IRAG2: variants seen among roughly 807,000 people sequenced by gnomAD.
The protein encoded by IRAG2 is inositol 1,4,5-triphosphate receptor associated 2.
In IRAG2, 45 loss-of-function variants were observed where a neutral mutation model predicts 69.9. The ratio of observed to expected loss-of-function variants is 0.64; its 90% CI spans 0.51 to 0.83. IRAG2 has a LOEUF of 0.83. IRAG2 is among the 40% of genes least tolerant of loss of function. The pLI is 0.00. For synonymous variants in IRAG2, 193 were observed against 202.4 expected, an observed-to-expected ratio of 0.95 and a Z score of 0.40; for missense variants, 520 against 587.0, an observed-to-expected ratio of 0.89 and a Z score of 1.18.
intron 10 of IRAG2, among the ~76,000 whole-genome samples, chr12:25,087,080 A>T (rs1947662443): frequency 1.3e-5 from 2 of 150,980 alleles, no homozygotes; most frequent in Admixed American, 1.3e-4. Context: ...CTCTTCATCA[A>T]ACTTCAGCAT....
chr12:25,058,562 A>T (rs1429323452), intron 1 of IRAG2, among the ~76,000 whole-genome samples: 1 of 152,198 alleles, frequency 6.6e-6, no homozygotes, highest in Non-Finnish European at 1.5e-5. Flanking sequence ...TTTCCAGTAT[A>T]GATAGTATTA....
At chr12:25,017,032 C>G in intron 5 of IRAG2, 1 of 803,458 alleles carries the variant, frequency 1.2e-6, no homozygotes, top group East Asian at 3.6e-5. Flanking sequence ...AAAAAAAAAA[C>G]TCACCAGAAT....
chr12:25,008,177 T>G (rs574674449), intron 2 of IRAG2, among the ~76,000 whole-genome samples: 1 of 152,356 alleles, frequency 6.6e-6, no homozygotes, highest in Middle Eastern at 3.4e-3. Context: ...TCCTTCCTAA[T>G]GTATCACCTG....
At chr12:25,048,534 C>T (rs1205899567), upstream of IRAG2, among the ~76,000 whole-genome samples, 4 of 152,002 alleles carry the variant, frequency 2.6e-5, no homozygotes, top group Non-Finnish European at 5.9e-5. Context: ...TGACCTCAAG[C>T]AATCCACCCG....
At chr12:25,106,495 T>C (rs1232350286) in intron 20 of IRAG2, among the ~76,000 whole-genome samples, 1 of 73,606 alleles carries the variant, frequency 1.4e-5, no homozygotes, top group Non-Finnish European at 2.7e-5. Flanking sequence ...AGTATATATT[T>C]ATATATACTG....
chr12:25,073,121 T>C (rs1054552674), intron 6 of IRAG2, among the ~76,000 whole-genome samples: 2 of 152,194 alleles, frequency 1.3e-5, no homozygotes, highest in Non-Finnish European at 2.9e-5. Context: ...TTTCCTCATT[T>C]CTCAATGATC....
At chr12:25,057,716 A>C (rs1945356479) in intron 1 of IRAG2, among the ~76,000 whole-genome samples, 1 of 152,210 alleles carries the variant, frequency 6.6e-6, no homozygotes, top group Non-Finnish European at 1.5e-5. Context: ...AGATAAATAC[A>C]CATCAAAACA....
At chr12:25,023,711 G>A (rs1264453803) in intron 7 of IRAG2, among the ~76,000 whole-genome samples, 1 of 152,174 alleles carries the variant, frequency 6.6e-6, no homozygotes, top group African/African-American at 2.4e-5. Context: ...TGTAGGCCAA[G>A]GCTTAACCCC....
intron 6 of IRAG2, among the ~76,000 whole-genome samples, chr12:25,078,919 T>A (rs1307116978): frequency 1.3e-5 from 2 of 152,272 alleles, no homozygotes; most frequent in East Asian, 3.8e-4. Context: ...TAGAATTTTC[T>A]GTTTAAAGAA....
intron 2 of IRAG2, among the ~76,000 whole-genome samples, chr12:25,010,803 T>C (rs1047824983): frequency 3.9e-5 from 6 of 152,182 alleles, no homozygotes; most frequent in Admixed American, 2.0e-4. Flanking sequence ...AAAAGTCTTA[T>C]GTTTAAAAAA....
intron 1 of IRAG2, among the ~76,000 whole-genome samples, chr12:25,058,817 A>C (rs1371492869): frequency 6.6e-6 from 1 of 152,164 alleles, no homozygotes; most frequent in Non-Finnish European, 1.5e-5. Context: ...CCATTGTTTT[A>C]CTTCCTTCTA....
chr12:25,038,204 G>A (rs368332538), intron 16 of IRAG2: 1 of 397,268 alleles, frequency 2.5e-6, no homozygotes. Flanking sequence ...TCATGCCACT[G>A]CATTCAGTTT....
intron 11 of IRAG2, among the ~76,000 whole-genome samples, chr12:25,089,290 A>G (rs1947863339): frequency 6.6e-6 from 1 of 152,226 alleles, no homozygotes; most frequent in South Asian, 2.1e-4. Flanking sequence ...TACCAGTAGG[A>G]GGTTTAGGCT....
intron 6 of IRAG2, among the ~76,000 whole-genome samples, chr12:25,073,004 C>T (rs1946433333): frequency 1.3e-5 from 2 of 152,182 alleles, no homozygotes; most frequent in Admixed American, 1.3e-4. Context: ...TCAAGCATCT[C>T]CAGTCCTTCT....
At chr12:24,997,806 A>G in the IRAG2 span, among the ~76,000 whole-genome samples, 1 of 152,216 alleles carries the variant, frequency 6.6e-6, no homozygotes, top group Non-Finnish European at 1.5e-5. Context: ...GAGGTTCAAC[A>G]GAGTTCATTG....
At chr12:25,045,944 A>AC (rs1429527476) in intron 16 of IRAG2, among the ~76,000 whole-genome samples, 18 of 151,982 alleles carry the variant, frequency 1.2e-4, no homozygotes, top group African/African-American at 4.3e-4. Context: ...CTAGGCCAGT[A>AC]CCCCTGATGA....
chr12:25,035,897 G>A, intron 14 of IRAG2: 1 of 397,266 alleles, frequency 2.5e-6, no homozygotes, highest in Non-Finnish European at 4.4e-6. Context: ...GTGCTGCTGA[G>A]ACCCAAATTA....
chr12:25,052,189 A>G (rs1565536719), upstream of IRAG2: 2 of 389,002 alleles, frequency 5.1e-6, no homozygotes, highest in Non-Finnish European at 9.0e-6. Flanking sequence ...TGTCACTGAC[A>G]GCTTGCGGTT....
At chr12:25,036,820 G>T (rs1368882475) in intron 15 of IRAG2, 4 of 394,380 alleles carry the variant, frequency 1.0e-5, no homozygotes, top group Non-Finnish European at 1.8e-5. Context: ...AGTATAGACT[G>T]TGTGTCCAGG....
Sources: allele counts gnomAD v4.1 joint callset (sites outside exome capture counted in the v4.1 genomes callset), GRCh38; gene constraint gnomAD v4.1.1; transcripts MANE v1.5; gene names NCBI Gene and HGNC (gene_info 2026-07-23, HGNC 2026-07-21).